ZFYVE9: variants seen among roughly 807,000 people sequenced by gnomAD.
ZFYVE9 encodes zinc finger FYVE-type containing 9.
A neutral mutation model predicts 126.7 loss-of-function variants in ZFYVE9; 43 were observed. The observed-to-expected ratio is 0.34, with a 90% CI of 0.27 to 0.44. The LOEUF (loss-of-function observed/expected upper bound fraction) is 0.44, where lower values mean the gene tolerates loss of function less well. ZFYVE9 is among the 20% of genes least tolerant of loss of function. The pLI, the probability that ZFYVE9 is intolerant of heterozygous loss-of-function variation, is 1.00. For missense variants in ZFYVE9, 1,476 were observed against 1,697.0 expected, an observed-to-expected ratio of 0.87 and a Z score of 2.29; for synonymous variants, 521 against 597.4, an observed-to-expected ratio of 0.87 and a Z score of 1.87.
intron 1 of ZFYVE9, among the ~76,000 whole-genome samples, chr1:52,199,135 G>A (rs1260493378): frequency 1.3e-5 from 2 of 150,368 alleles, no homozygotes; most frequent in Non-Finnish European, 3.0e-5. Context: ...GCGCGATCTC[G>A]ACTCACTGCA....
chr1:52,278,711 A>T, intron 9 of ZFYVE9, 97 bp downstream of exon 9: 1 of 806,960 alleles, frequency 1.2e-6, no homozygotes, highest in Non-Finnish European at 1.9e-6. Context: ...TTTTATATAG[A>T]GCCACATCTT....
chr1:52,285,901 T>A (rs1645853371), intron 10 of ZFYVE9, among the ~76,000 whole-genome samples: 1 of 152,168 alleles, frequency 6.6e-6, no homozygotes, highest in South Asian at 2.1e-4. Flanking sequence ...ATGCCTGTAA[T>A]CCCAGCACTT....
At position 52,142,701 on chromosome 1, in the gene ZFYVE9, C is replaced by T. The variant is rs967243899; in HGVS notation, c.-143+298C>T. The stretch of plus-strand genomic sequence containing the variant: ...GGCCGCCTTTCGGGTTTGCATGGGC[C>T]CGGGCCGAGCGCAGCCTCTTAGCCC... On this transcript the variant is annotated intron_variant, in intron 1 of 18. Transcript: ENST00000287727. This position sits in a 1 kb window ranked among gnomAD's most constrained non-coding sequence, Gnocchi z 4.5. Among the ~76,000 whole-genome samples the T allele has an allele frequency of 6.6e-6, 1 of 152,120 alleles. No homozygotes were observed. The highest frequency in any genetic ancestry group is 2.4e-5 in the African/African-American group (1 of 41,456).
At chr1:52,272,949 A>G (rs1031015105) in intron 7 of ZFYVE9, among the ~76,000 whole-genome samples, 1 of 152,154 alleles carries the variant, frequency 6.6e-6, no homozygotes, top group African/African-American at 2.4e-5. Context: ...GGCGTGAGCC[A>G]CTGTACCCGG....
chr1:52,158,748 C>T (rs2124507589), intron 1 of ZFYVE9, among the ~76,000 whole-genome samples: 1 of 152,142 alleles, frequency 6.6e-6, no homozygotes, highest in East Asian at 1.9e-4. Context: ...TGTTTGTTAG[C>T]TGCCCTTTCT....
chr1:52,246,987 C>T lies in ZFYVE9; in HGVS notation c.2178+7392C>T, dbSNP rs140617809. On this transcript the variant is annotated intron_variant, in intron 4 of 18. Transcript: ENST00000287727. ...CCTTCCAAAGTGTTGGGATTACAGGCGTGAGCCGCTGTGCCCGGCCACTAA... is the reference window on the plus strand; with the variant it reads ...CCTTCCAAAGTGTTGGGATTACAGGTGTGAGCCGCTGTGCCCGGCCACTAA... 3.0e-4 allele frequency among the ~76,000 whole-genome samples: 46 copies of T among 152,140 alleles called. 1 individual carries two copies. In the East Asian group the frequency reaches 8.3e-3, roughly 28 times the overall value.
rs1248224054 is a variant in ZFYVE9, at chr1:52,172,910, A to G, written c.-143+30507A>G. Among the ~76,000 whole-genome samples, 42 of 152,156 alleles carry G rather than the reference A, an allele frequency of 2.8e-4. 1 individual carries two copies. The highest frequency in any genetic ancestry group is 4.9e-4 in the Non-Finnish European group (33 of 67,990). On this transcript the variant is annotated intron_variant, in intron 1 of 18. Coordinates refer to ENST00000287727, the MANE Select transcript of ZFYVE9 (RefSeq NM_004799.4). ...CTTAAGGAGATTTTGGGCTGAGACAATGGGGTTTTCTAGATATACAATCAT... is the reference window on the plus strand; with the variant it reads ...CTTAAGGAGATTTTGGGCTGAGACAGTGGGGTTTTCTAGATATACAATCAT...
intron 1 of ZFYVE9, among the ~76,000 whole-genome samples, chr1:52,151,549 T>C (rs1420012669): frequency 2.0e-5 from 3 of 151,390 alleles, no homozygotes; most frequent in Non-Finnish European, 4.4e-5. Flanking sequence ...GGGGTCTCGC[T>C]CTGTCATCCA....
rs755071782 is a variant in ZFYVE9 at position 52,238,161 on chromosome 1, T to C, written c.744T>C (p.Asp248=). ...ASVCSPSQLK[D]DGSIGRDPSM... is the part of the protein sequence containing the mutation. ...TCTGTTCCCCTTCACAATTAAAGGA[T>C]GACGGAAGTATAGGTAGAGACCCCT... The change falls in exon 4 of 19, where the codon GAT becomes GAC. Residue 248 remains aspartate, a synonymous_variant. Transcript: ENST00000287727. The C allele has an allele frequency of 3.7e-6, 6 of 1,614,102 alleles. No homozygotes were observed. The South Asian group carries it at 6.6e-5, about 18-fold the overall frequency.
intron 12 of ZFYVE9, among the ~76,000 whole-genome samples, chr1:52,299,906 G>A (rs1646016526): frequency 6.6e-6 from 1 of 152,214 alleles, no homozygotes; most frequent in Non-Finnish European, 1.5e-5. Flanking sequence ...GTGTAGTCCT[G>A]TGAACTGCAG....
intron 4 of ZFYVE9, among the ~76,000 whole-genome samples, chr1:52,250,495 T>G (rs545467638): frequency 3.9e-5 from 6 of 152,190 alleles, no homozygotes; most frequent in Non-Finnish European, 8.8e-5. Context: ...ATTTATTAGC[T>G]CTAACAGTTT....
chr1:52,252,657 C>T (rs149674867), intron 4 of ZFYVE9: 27 of 324,318 alleles, frequency 8.3e-5, no homozygotes, highest in South Asian at 2.8e-4. Flanking sequence ...CACGCCTGGC[C>T]GAAAAATTTG....
chr1:52,335,785 A>G (rs192405709), intron 15 of ZFYVE9, among the ~76,000 whole-genome samples: 298 of 152,364 alleles, frequency 2.0e-3, no homozygotes, highest in African/African-American at 6.6e-3. Context: ...TCTGCCTCAC[A>G]TGATGACAGG....
At chr1:52,292,671 C>T (rs1459222327) in intron 10 of ZFYVE9, among the ~76,000 whole-genome samples, 1 of 151,810 alleles carries the variant, frequency 6.6e-6, no homozygotes. Flanking sequence ...GGGGTTTTAC[C>T]ATGTTGGTCA....
rs1196121611 is a variant in ZFYVE9, at chr1:52,186,239, CA to C, written c.-142-30117del. Among the ~76,000 whole-genome samples, 699 of 85,054 alleles carry C rather than the reference CA, an allele frequency of 8.2e-3. 1 individual carries two copies. Among genetic ancestry groups the C allele is most frequent in the Admixed American group, 0.02 (147 of 7,428 alleles). 55.8% of individuals were successfully genotyped at this position (85,054 alleles called of 152,430 possible). On this transcript the variant is annotated intron_variant, in intron 1 of 18. Transcript: ENST00000287727. Reference sequence around the variant, plus strand: ...TGGGTGACAGAGCGAGACTCTGTCTCAAAAAAAAAAAAACAAAACAAAACCC... The same window carrying C: ...TGGGTGACAGAGCGAGACTCTGTCTCAAAAAAAAAAAACAAAACAAAACCC...
At chr1:52,178,489 C>T (rs1450008713) in intron 1 of ZFYVE9, among the ~76,000 whole-genome samples, 1 of 151,808 alleles carries the variant, frequency 6.6e-6, no homozygotes, top group Non-Finnish European at 1.5e-5. Context: ...CACCACCATG[C>T]CCGGCTAATT....
chr1:52,190,437 G>A (rs1644806337), intron 1 of ZFYVE9: 2 of 152,106 alleles, frequency 1.3e-5, no homozygotes, highest in Non-Finnish European at 2.9e-5. Flanking sequence ...ATTTTATTGT[G>A]CATCAAAATT....
chr1:52,252,845 C>T (rs1645465437), intron 4 of ZFYVE9: 1 of 270,478 alleles, frequency 3.7e-6, no homozygotes, highest in African/African-American at 2.3e-5. Flanking sequence ...AATGACACAC[C>T]TTTACCAGAG....
At chr1:52,340,325 A>C (rs1019568159) in intron 17 of ZFYVE9, 94 bp downstream of exon 17, 17 of 864,202 alleles carry the variant, frequency 2.0e-5, no homozygotes, top group Non-Finnish European at 3.2e-5. Context: ...GTAGGATAAG[A>C]AAAAAATATC....
Sources: allele counts gnomAD v4.1 joint callset (sites outside exome capture counted in the v4.1 genomes callset), GRCh38; gene constraint gnomAD v4.1.1; non-coding constraint Gnocchi (gnomAD v3.1); transcripts MANE v1.5; gene names NCBI Gene and HGNC (gene_info 2026-07-23, HGNC 2026-07-21).